SLC5A8: variants seen among roughly 807,000 people sequenced by gnomAD.
SLC5A8 encodes the protein solute carrier family 5 member 8.
A neutral mutation model predicts 71.9 loss-of-function variants in SLC5A8; 55 were observed. That is an observed-to-expected ratio of 0.77 (90% CI 0.62 to 0.96). The LOEUF (loss-of-function observed/expected upper bound fraction) is 0.96, where lower values mean the gene tolerates loss of function less well. Ranked by LOEUF, SLC5A8 falls within the 40% of genes least tolerant of loss-of-function variation. SLC5A8 has a pLI of 0.00. For missense variants in SLC5A8, 701 were observed against 745.3 expected, an observed-to-expected ratio of 0.94 and a Z score of 0.69; for synonymous variants, 307 against 276.1, an observed-to-expected ratio of 1.11 and a Z score of -1.11.
chr12:101,169,322 T>C (rs770618424), intron 10 of SLC5A8, among the ~76,000 whole-genome samples: 3 of 152,168 alleles, frequency 2.0e-5, no homozygotes, highest in Non-Finnish European at 4.4e-5. Context: ...CTAGAACATG[T>C]CATTGTATAT....
chr12:101,204,624 T>C, intron 1 of SLC5A8, 59 bp from the exon 2 acceptor site: 2 of 1,188,696 alleles, frequency 1.7e-6, no homozygotes, highest in South Asian at 2.7e-5. Flanking sequence ...AATCAGCAGC[T>C]CAAGAAGAAA....
At chr12:101,198,601 T>C (rs1435615957) in intron 3 of SLC5A8, among the ~76,000 whole-genome samples, 2 of 151,900 alleles carry the variant, frequency 1.3e-5, no homozygotes, top group Admixed American at 6.5e-5. Context: ...TTTTAAAATA[T>C]GAATAACTCT....
At position 101,209,673 on chromosome 12, in the gene SLC5A8, A is replaced by T. The variant is rs763869123; in HGVS notation, c.176T>A (p.Leu59Gln). ...TGACATGAAGCTAGCGGTGAGGGAC[A>T]GCGCCACGGGCACTGCGGTCATTCT... ...GRRMTAVPVALSLTASFMSAV... is the reference protein window; with the variant it reads ...GRRMTAVPVAQSLTASFMSAV... The change falls in exon 1 of 15, where the codon CTG (leucine) becomes CAG (glutamine). Residue 59 changes from leucine to glutamine, a missense_variant. By Grantham distance (113) the Leu-to-Gln change is moderately radical. Coordinates refer to ENST00000536262, the MANE Select transcript of SLC5A8 (RefSeq NM_145913.5). 1.2e-6 allele frequency: 2 copies of T among 1,613,710 alleles called. No homozygotes were observed. Among genetic ancestry groups the T allele is most frequent in the East Asian group, 4.5e-5 (2 of 44,880 alleles).
intron 9 of SLC5A8, among the ~76,000 whole-genome samples, 156 bp from the exon 10 acceptor site, chr12:101,180,252 A>G (rs1593371531): frequency 6.6e-6 from 1 of 152,164 alleles, no homozygotes; most frequent in Non-Finnish European, 1.5e-5. Flanking sequence ...GGAAATGGCT[A>G]TTTTCCTCTA....
intron 1 of SLC5A8, 59 bp downstream of exon 1, chr12:101,209,439 G>T: frequency 7.3e-7 from 1 of 1,369,068 alleles, no homozygotes; most frequent in Non-Finnish European, 9.9e-7. Context: ...CGCCTCCAGA[G>T]GTCTGCAGAG....
At chr12:101,189,885 A>G (rs1868822242) in intron 6 of SLC5A8, among the ~76,000 whole-genome samples, 1 of 152,176 alleles carries the variant, frequency 6.6e-6, no homozygotes, top group East Asian at 1.9e-4. Flanking sequence ...TATGCCAAAC[A>G]CAGTATTTTA....
In SLC5A8 at chr12:101,166,690, C is replaced by T. The variant is rs1262242982; in HGVS notation, c.1330G>A (p.Val444Ile). 2 of 1,600,336 alleles carry T rather than the reference C, an allele frequency of 1.2e-6. No homozygotes were observed. Among genetic ancestry groups the T allele is most frequent in the African/African-American group, 1.3e-5 (1 of 74,408 alleles). The change falls in exon 12 of 15, where the codon GTT becomes ATT. Residue 444 changes from valine (V) to isoleucine (I), a missense_variant. Physicochemically the swap from Val to Ile is conservative, Grantham distance 29 (BLOSUM62 3). Coordinates refer to ENST00000536262, the MANE Select transcript of SLC5A8 (RefSeq NM_145913.5). ...VPFANSIGALVGLMAGFAISL... is the reference protein window; with the variant it reads ...VPFANSIGALIGLMAGFAISL... ...ATGGCAAATCCAGCCATCAGACCAA[C>T]AAGTGCTCCCTGTAAAACAAGAATG...
intron 6 of SLC5A8, among the ~76,000 whole-genome samples, chr12:101,188,559 C>T (rs932727647): frequency 6.6e-6 from 1 of 152,164 alleles, no homozygotes; most frequent in Non-Finnish European, 1.5e-5. Flanking sequence ...AAGAGCCACC[C>T]TAGCTCTAGA....
intron 1 of SLC5A8, among the ~76,000 whole-genome samples, chr12:101,205,135 T>C (rs986560791): frequency 6.6e-6 from 1 of 152,074 alleles, no homozygotes; most frequent in African/African-American, 2.4e-5. Context: ...GCCAATCAGC[T>C]TTTCCTTCCA....
At chr12:101,194,121 G>A (rs1285638206) in intron 4 of SLC5A8, among the ~76,000 whole-genome samples, 1 of 152,126 alleles carries the variant, frequency 6.6e-6, no homozygotes, top group Non-Finnish European at 1.5e-5. Flanking sequence ...AGAAAAATCC[G>A]AGTCAAATTA....
At chr12:101,167,615 C>T (rs1161904319) in intron 11 of SLC5A8, among the ~76,000 whole-genome samples, 1 of 152,124 alleles carries the variant, frequency 6.6e-6, no homozygotes, top group African/African-American at 2.4e-5. Context: ...TTATGATCAC[C>T]CCTTTGGGGC....
At chr12:101,195,357 T>C (rs1386576902) in intron 3 of SLC5A8, among the ~76,000 whole-genome samples, 195 bp from the exon 4 acceptor site, 1 of 152,164 alleles carries the variant, frequency 6.6e-6, no homozygotes, top group Admixed American at 6.5e-5. Context: ...ATTTGATAAT[T>C]TTCTACTCTC....
chr12:101,193,859 G>T, intron 4 of SLC5A8, 80 bp from the exon 5 acceptor site: 1 of 1,387,968 alleles, frequency 7.2e-7, no homozygotes, highest in South Asian at 1.5e-5. Context: ...CTATACTGGA[G>T]AAAAATGATA....
chr12:101,178,501 A>C (rs574107524), intron 10 of SLC5A8, among the ~76,000 whole-genome samples: 13 of 152,318 alleles, frequency 8.5e-5, no homozygotes, highest in African/African-American at 2.4e-4. Context: ...CAGAGAATTC[A>C]GAAATAGACT....
At position 101,157,189 on chromosome 12, in the gene SLC5A8, C is replaced by T. The variant is rs1033927828; in HGVS notation, c.*90G>A. Reference sequence around the variant, plus strand: ...CCCCAAACACTCATGATACAACACACACACACACACAAAGAAAACCTGATC... The same window carrying T: ...CCCCAAACACTCATGATACAACACATACACACACACAAAGAAAACCTGATC... On this transcript the variant is annotated 3_prime_UTR_variant, in exon 15 of 15. Coordinates refer to ENST00000536262, the MANE Select transcript of SLC5A8 (RefSeq NM_145913.5). 3.3e-6 allele frequency: 5 copies of T among 1,493,218 alleles called. No individual in the cohort carries two copies. Among genetic ancestry groups the T allele is most frequent in the Non-Finnish European group, 3.6e-6 (4 of 1,100,804 alleles). 92.5% of individuals were successfully genotyped at this position (1,493,218 alleles called of 1,614,324 possible). A position where few individuals can be genotyped will look rare whatever the true frequency, so the allele number is the denominator to read the frequency against.
chr12:101,210,046 G>C lies in SLC5A8; in HGVS notation c.-198C>G, dbSNP rs1414042699. ...GCTGGCAGTCGCCCCTGCACCCGCC[G>C]CTGCGAGCCGCGCCCCTCAAACCCA... On this transcript the variant is annotated 5_prime_UTR_variant, in exon 1 of 15. Transcript: ENST00000536262. 1 of 491,866 alleles carries C rather than the reference G, an allele frequency of 2.0e-6. No homozygotes were observed. Among genetic ancestry groups the C allele is most frequent in the Non-Finnish European group, 3.5e-6 (1 of 286,078 alleles). 30.5% of individuals were successfully genotyped at this position (491,866 alleles called of 1,614,324 possible).
chr12:101,188,446 A>G (rs1868757170), intron 6 of SLC5A8, among the ~76,000 whole-genome samples: 2 of 152,132 alleles, frequency 1.3e-5, no homozygotes, highest in Non-Finnish European at 2.9e-5. Flanking sequence ...CCCTGAAGTC[A>G]TGCCTCCTTC....
At chr12:101,188,660 C>A (rs897380071) in intron 6 of SLC5A8, among the ~76,000 whole-genome samples, 1 of 152,192 alleles carries the variant, frequency 6.6e-6, no homozygotes, top group African/African-American at 2.4e-5. Context: ...CTACATATAG[C>A]GATTCTCTGA....
chr12:101,179,640 G>C, intron 10 of SLC5A8, among the ~76,000 whole-genome samples: 1 of 152,302 alleles, frequency 6.6e-6, no homozygotes, highest in African/African-American at 2.4e-5. Flanking sequence ...GGGAGTAGGG[G>C]CAGAAGGGAA....
Sources: allele counts gnomAD v4.1 joint callset (sites outside exome capture counted in the v4.1 genomes callset), GRCh38; gene constraint gnomAD v4.1.1; transcripts MANE v1.5; gene names NCBI Gene and HGNC (gene_info 2026-07-23, HGNC 2026-07-21).